NEDD9: variants seen among roughly 807,000 people sequenced by gnomAD.
NEDD9 encodes enhancer of filamentation 1.
In NEDD9, 26 loss-of-function variants were observed where a neutral mutation model predicts 76.6. The ratio of observed to expected loss-of-function variants is 0.34; its 90% CI spans 0.25 to 0.47. The LOEUF is 0.47. Ranked by LOEUF, NEDD9 falls within the 20% of genes least tolerant of loss-of-function variation. The pLI is 1.00. For synonymous variants in NEDD9, 392 were observed against 414.2 expected (o/e 0.95, Z 0.65); for missense variants, 937 against 1,058.5 (o/e 0.89, Z 1.59).
At chr6:11,250,838 T>C (rs1027748705) in intron 3 of NEDD9, among the ~76,000 whole-genome samples, 1 of 152,200 alleles carries the variant, frequency 6.6e-6, no homozygotes, top group African/African-American at 2.4e-5. Flanking sequence ...AACCACTGAT[T>C]AACAACATTA....
In NEDD9 at chr6:11,225,098, C is replaced by T. The variant is rs535654261; in HGVS notation, c.12+7406G>A. Reference sequence around the variant, plus strand: ...TTTCACAGATAATTAATCCATCCACCGCCCCCCTGCCCCCCAACCACACAT... The same window carrying T: ...TTTCACAGATAATTAATCCATCCACTGCCCCCCTGCCCCCCAACCACACAT... On this transcript the variant is annotated intron_variant, in intron 1 of 6. Transcript: ENST00000379446. Among the ~76,000 whole-genome samples, 268 of 152,152 alleles carry T rather than the reference C, an allele frequency of 1.8e-3. 2 individuals carry two copies. Among genetic ancestry groups the T allele is most frequent in the Non-Finnish European group, 3.2e-3 (215 of 68,008 alleles).
chr6:11,319,058 T>C (rs1761670849), intron 2 of NEDD9, among the ~76,000 whole-genome samples: 1 of 152,258 alleles, frequency 6.6e-6, no homozygotes, highest in Non-Finnish European at 1.5e-5. Context: ...ATAATGCTTT[T>C]GTTATAATAT....
At chr6:11,330,061 G>A (rs1298907629) in intron 2 of NEDD9, among the ~76,000 whole-genome samples, 3 of 152,208 alleles carry the variant, frequency 2.0e-5, no homozygotes, top group South Asian at 2.1e-4. Context: ...TGGGTCAAAC[G>A]TGGCCAGTGT....
chr6:11,317,153 C>T (rs1761591729), intron 2 of NEDD9, among the ~76,000 whole-genome samples: 1 of 152,100 alleles, frequency 6.6e-6, no homozygotes, highest in African/African-American at 2.4e-5. Flanking sequence ...AGATAGGGGG[C>T]CAGGCACGGT....
chr6:11,223,977 A>C (rs1759228872), intron 1 of NEDD9, among the ~76,000 whole-genome samples: 1 of 152,194 alleles, frequency 6.6e-6, no homozygotes, highest in African/African-American at 2.4e-5. Context: ...TAGAGTGACC[A>C]TGTGCTTCCG....
At chr6:11,268,347 T>C (rs1332644351) in intron 3 of NEDD9, among the ~76,000 whole-genome samples, 8 of 152,104 alleles carry the variant, frequency 5.3e-5, no homozygotes, top group Admixed American at 5.2e-4. Flanking sequence ...AGTATACTTA[T>C]AGAAGCATTC....
intron 2 of NEDD9, among the ~76,000 whole-genome samples, chr6:11,212,017 T>C (rs1026231659): frequency 3.3e-5 from 5 of 152,142 alleles, no homozygotes; most frequent in African/African-American, 1.2e-4. Flanking sequence ...AGTGCTTTCA[T>C]TGTTTAAAGG....
chr6:11,345,995 C>T (rs547189548), intron 1 of NEDD9, among the ~76,000 whole-genome samples: 65 of 152,336 alleles, frequency 4.3e-4, no homozygotes, highest in African/African-American at 1.4e-3. Context: ...GCCCCCAGGA[C>T]CTCCCTATCT....
chr6:11,199,654 T>A, intron 2 of NEDD9: 1 of 97,476 alleles, frequency 1.0e-5, no homozygotes, highest in Non-Finnish European at 2.0e-5. Flanking sequence ...TTTTTTTTTT[T>A]TTTTTTTTTT....
chr6:11,255,664 C>T (rs9380171), intron 3 of NEDD9, among the ~76,000 whole-genome samples: 70,927 of 151,712 alleles, frequency 0.47, 17,234 homozygotes, highest in East Asian at 0.78. Context: ...CCTTAACAGA[C>T]CCCAAAAGGC....
At chr6:11,309,451 C>G (rs184455070) in intron 2 of NEDD9, among the ~76,000 whole-genome samples, 73 of 152,230 alleles carry the variant, frequency 4.8e-4, no homozygotes, top group Middle Eastern at 6.8e-3. Context: ...TCCTGCCTTC[C>G]TTGTTTCTTT....
At chr6:11,302,229 T>A (rs1218333953) in intron 3 of NEDD9, among the ~76,000 whole-genome samples, 2 of 152,124 alleles carry the variant, frequency 1.3e-5, no homozygotes, top group Non-Finnish European at 2.9e-5. Flanking sequence ...CAGAGAATAC[T>A]ATAAACACCT....
intron 3 of NEDD9, chr6:11,192,672 C>T (rs6900296): frequency 0.18 from 66,162 of 377,182 alleles, 6,271 homozygotes; most frequent in East Asian, 0.27. Flanking sequence ...CGGTGGCTCA[C>T]GCCTGTAATC....
chr6:11,345,021 G>A (rs1296857009), intron 1 of NEDD9, among the ~76,000 whole-genome samples: 5 of 152,196 alleles, frequency 3.3e-5, no homozygotes, highest in Non-Finnish European at 2.9e-5. Context: ...TCTTGTGGAA[G>A]TAGAGAAGAT....
intron 1 of NEDD9, among the ~76,000 whole-genome samples, chr6:11,366,300 A>G (rs1394657963): frequency 3.8e-4 from 49 of 127,714 alleles, no homozygotes; most frequent in Middle Eastern, 3.9e-3. Context: ...GGAAGGAAAG[A>G]AAGAAAGAAA....
At chr6:11,215,714 C>T (rs1008879576) in intron 1 of NEDD9, among the ~76,000 whole-genome samples, 2 of 152,152 alleles carry the variant, frequency 1.3e-5, no homozygotes, top group Non-Finnish European at 1.5e-5. Context: ...ATTCAGCAAT[C>T]GGGAAGCCCC....
chr6:11,191,283 A>G (rs1221851727), intron 4 of NEDD9, 78 bp from the exon 5 acceptor site: 2 of 1,465,996 alleles, frequency 1.4e-6, no homozygotes, highest in Non-Finnish European at 1.8e-6. Flanking sequence ...GCTCAGTCCT[A>G]TTTGCTGGCA....
At chr6:11,361,299 C>T (rs1023944564) in intron 1 of NEDD9, among the ~76,000 whole-genome samples, 11 of 151,960 alleles carry the variant, frequency 7.2e-5, no homozygotes, top group South Asian at 2.1e-4. Flanking sequence ...AGGAAATGCC[C>T]GAGACTGGGT....
intron 1 of NEDD9, among the ~76,000 whole-genome samples, chr6:11,368,021 T>G (rs1762799307): frequency 6.6e-6 from 1 of 152,212 alleles, no homozygotes; most frequent in Admixed American, 6.5e-5. Context: ...TAGTCACATG[T>G]GTTTTTCGTG....
Sources: gnomAD v4.1 joint callset for allele counts (sites outside exome capture counted in the v4.1 genomes callset) on GRCh38, gnomAD v4.1.1 for gene constraint, MANE v1.5 for transcripts, NCBI Gene and HGNC (gene_info 2026-07-23, HGNC 2026-07-21) for gene names.